Variants in UNC13C observed in about 807,000 individuals in gnomAD.
The protein encoded by UNC13C is unc-13 homolog C.
UNC13C carries 174 observed loss-of-function variants against 245.4 expected under a neutral mutation model. The ratio of observed to expected loss-of-function variants is 0.71; its 90% confidence interval spans 0.63 to 0.80. The LOEUF (loss-of-function observed/expected upper bound fraction) is 0.80, where lower values mean the gene tolerates loss of function less well. UNC13C is among the 30% of genes least tolerant of loss of function. The probability of loss-of-function intolerance (pLI) is 0.00; values close to 1 mark genes in which losing one functional copy is unlikely to be tolerated. For missense variants in UNC13C, 2,829 were observed against 2,602.9 expected, an observed-to-expected ratio of 1.09 and a Z score of -1.89; for synonymous variants, 992 against 895.1, an observed-to-expected ratio of 1.11 and a Z score of -1.93.
At chr15:54,553,420 T>G (rs1471943804) in intron 28 of UNC13C, among the ~76,000 whole-genome samples, 1 of 129,852 alleles carries the variant, frequency 7.7e-6, no homozygotes, top group Non-Finnish European at 1.6e-5. Context: ...TAATATATAA[T>G]ATTATATATA....
intron 4 of UNC13C, among the ~76,000 whole-genome samples, chr15:54,178,497 A>G (rs1185685012): frequency 6.6e-6 from 1 of 152,218 alleles, no homozygotes; most frequent in Non-Finnish European, 1.5e-5. Flanking sequence ...TAGCATCTTA[A>G]GTGAACTGTG....
intron 10 of UNC13C, among the ~76,000 whole-genome samples, chr15:54,285,645 C>A (rs2037125343): frequency 6.6e-6 from 1 of 152,134 alleles, no homozygotes; most frequent in Non-Finnish European, 1.5e-5. Flanking sequence ...TCAACTGATG[C>A]CCTGCCTTCC....
At chr15:54,121,588 C>A (rs1451245651) in intron 2 of UNC13C, among the ~76,000 whole-genome samples, 3 of 151,890 alleles carry the variant, frequency 2.0e-5, no homozygotes, top group Non-Finnish European at 4.4e-5. Context: ...ATTATCACAG[C>A]TTTTTAATTT....
chr15:54,173,475 G>A (rs1434468211), intron 4 of UNC13C, among the ~76,000 whole-genome samples: 2 of 151,868 alleles, frequency 1.3e-5, no homozygotes, highest in Non-Finnish European at 2.9e-5. Context: ...TATAGTTTTG[G>A]ATGCTGTTAA....
intron 27 of UNC13C, among the ~76,000 whole-genome samples, chr15:54,548,699 A>G (rs1274903576): frequency 3.9e-5 from 6 of 152,166 alleles, no homozygotes; most frequent in African/African-American, 7.2e-5. Context: ...ATTATGTTAC[A>G]GTAGAAATGC....
intron 17 of UNC13C, among the ~76,000 whole-genome samples, chr15:54,350,262 T>A (rs2038952911): frequency 6.6e-6 from 1 of 152,154 alleles, no homozygotes; most frequent in South Asian, 2.1e-4. Context: ...AGTGCTGGGA[T>A]TACAGGCGTG....
chr15:54,134,103 C>T lies in UNC13C; in HGVS notation c.2984-8915C>T, dbSNP rs1174687615. 2.0e-5 allele frequency among the ~76,000 whole-genome samples: 3 copies of T among 147,342 alleles called. No homozygotes were observed. The South Asian group carries it at 6.5e-4, about 32-fold the overall frequency. The stretch of plus-strand genomic sequence containing the variant: ...AGGACACTTATGTACTATATTAACA[C>T]ATTTCGAGAAAACAATGTAGTATTA... On this transcript the variant is annotated intron_variant, in intron 2 of 32. Coordinates refer to ENST00000260323, the MANE Select transcript of UNC13C (RefSeq NM_001080534.3).
At chr15:54,054,750 C>A (rs1897429117) in intron 2 of UNC13C, among the ~76,000 whole-genome samples, 1 of 151,998 alleles carries the variant, frequency 6.6e-6, no homozygotes, top group Non-Finnish European at 1.5e-5. Flanking sequence ...CTGTCTATAC[C>A]CTGCCAAGTA....
At chr15:54,624,591 A>T (rs983930661) in intron 32 of UNC13C, among the ~76,000 whole-genome samples, 1 of 152,168 alleles carries the variant, frequency 6.6e-6, no homozygotes, top group Non-Finnish European at 1.5e-5. Flanking sequence ...TGAGATTTAC[A>T]TCTTTATTTT....
chr15:54,440,014 C>G (rs1007269841), intron 19 of UNC13C, among the ~76,000 whole-genome samples: 3 of 151,970 alleles, frequency 2.0e-5, no homozygotes, highest in Non-Finnish European at 4.4e-5. Context: ...CAAATCTCAT[C>G]TTAAATTGCA....
intron 2 of UNC13C, among the ~76,000 whole-genome samples, chr15:54,076,240 C>T (rs1036997997): frequency 1.5e-4 from 21 of 144,718 alleles, no homozygotes; most frequent in African/African-American, 5.1e-4. Context: ...GTATATCGCC[C>T]AATGCTATCC....
chr15:54,151,222 G>A (rs2032500281), intron 4 of UNC13C, among the ~76,000 whole-genome samples: 3 of 152,074 alleles, frequency 2.0e-5, no homozygotes, highest in Non-Finnish European at 4.4e-5. Context: ...GAAACCTGAT[G>A]TCTATTGTAA....
intron 30 of UNC13C, among the ~76,000 whole-genome samples, chr15:54,574,524 G>C (rs1255139722): frequency 6.6e-6 from 1 of 152,120 alleles, no homozygotes; most frequent in Admixed American, 6.6e-5. Context: ...TTTTTTCAAT[G>C]AATAACACAA....
intron 13 of UNC13C, chr15:54,320,983 T>A: frequency 2.4e-6 from 1 of 418,604 alleles, no homozygotes; most frequent in Admixed American, 2.8e-5. Flanking sequence ...CCATATCCAC[T>A]ACCACCACAG....
chr15:54,429,525 G>A (rs568374587), intron 19 of UNC13C, among the ~76,000 whole-genome samples: 1 of 151,764 alleles, frequency 6.6e-6, no homozygotes, highest in African/African-American at 2.4e-5. Flanking sequence ...ACTATAACTA[G>A]TATTTCTCCC....
chr15:54,589,391 T>C (rs1042138126), intron 30 of UNC13C, among the ~76,000 whole-genome samples: 3 of 139,720 alleles, frequency 2.1e-5, no homozygotes, highest in African/African-American at 5.3e-5. Context: ...CTCCGCCTCC[T>C]GGGTTCAAGT....
intron 17 of UNC13C, among the ~76,000 whole-genome samples, chr15:54,341,294 T>C (rs1284801351): frequency 1.3e-5 from 2 of 152,218 alleles, no homozygotes; most frequent in Non-Finnish European, 2.9e-5. Context: ...AATGAAATAA[T>C]GTCCTTTGCA....
chr15:53,991,453 G>T (rs1295963686), intron 1 of UNC13C, among the ~76,000 whole-genome samples: 1 of 151,992 alleles, frequency 6.6e-6, no homozygotes, highest in East Asian at 1.9e-4. Flanking sequence ...CAAGTGGCTG[G>T]TCCATCTTCT....
At chr15:54,225,664 C>T (rs1392485795) in intron 4 of UNC13C, among the ~76,000 whole-genome samples, 1 of 152,154 alleles carries the variant, frequency 6.6e-6, no homozygotes, top group African/African-American at 2.4e-5. Flanking sequence ...ATTTTGCATC[C>T]TGAGAATTTG....
Sources: allele counts gnomAD v4.1 joint callset (sites outside exome capture counted in the v4.1 genomes callset), GRCh38; gene constraint gnomAD v4.1.1; transcripts MANE v1.5; gene names NCBI Gene and HGNC (gene_info 2026-07-23, HGNC 2026-07-21).